Variants in RPS6KA2 observed in about 807,000 individuals in gnomAD.
RPS6KA2 encodes the protein ribosomal protein S6 kinase A2.
A neutral mutation model predicts 91.8 loss-of-function variants in RPS6KA2; 42 were observed. The observed-to-expected ratio is 0.46, with a 90% CI of 0.36 to 0.59. The LOEUF (loss-of-function observed/expected upper bound fraction) is 0.59, where lower values mean the gene tolerates loss of function less well. RPS6KA2 is among the 20% of genes least tolerant of loss of function. The pLI is 0.00. For synonymous variants in RPS6KA2, 414 were observed against 393.6 expected, an observed-to-expected ratio of 1.05 and a Z score of -0.61; for missense variants, 798 against 978.5, an observed-to-expected ratio of 0.82 and a Z score of 2.46.
At chr6:166,811,505 T>C (rs1779639410) in intron 2 of RPS6KA2, among the ~76,000 whole-genome samples, 1 of 152,196 alleles carries the variant, frequency 6.6e-6, no homozygotes, top group Admixed American at 6.5e-5. Context: ...GTGCCTGTAG[T>C]CCTAGCTGCT....
At chr6:166,713,177 A>C in intron 2 of RPS6KA2, among the ~76,000 whole-genome samples, 1 of 151,808 alleles carries the variant, frequency 6.6e-6, no homozygotes, top group African/African-American at 2.4e-5. Context: ...CCGGAACACA[A>C]CTCACTTTCT....
chr6:166,488,655 C>G (rs924139289), intron 10 of RPS6KA2, among the ~76,000 whole-genome samples, 178 bp downstream of exon 10: 2 of 152,190 alleles, frequency 1.3e-5, no homozygotes, highest in African/African-American at 4.8e-5. Context: ...TGTGAAGGGG[C>G]CTTTTTTCCT....
intron 1 of RPS6KA2, among the ~76,000 whole-genome samples, chr6:166,599,074 C>G (rs562012441): frequency 6.6e-6 from 1 of 152,334 alleles, no homozygotes; most frequent in African/African-American, 2.4e-5. Context: ...ATTAAAGAAT[C>G]CAGAGCAGGA....
At chr6:166,606,419 C>T (rs1050069195) in intron 1 of RPS6KA2, among the ~76,000 whole-genome samples, 1 of 152,230 alleles carries the variant, frequency 6.6e-6, no homozygotes, top group Non-Finnish European at 1.5e-5. Flanking sequence ...ATACAACTCC[C>T]TATTGGAAAT....
chr6:166,507,089 C>T (rs1186955664), intron 5 of RPS6KA2, among the ~76,000 whole-genome samples: 3 of 151,990 alleles, frequency 2.0e-5, no homozygotes, highest in African/African-American at 4.8e-5. Flanking sequence ...CGTGCGAAGA[C>T]CACACCCGAT....
Position 166,418,076 on chromosome 6 carries a change from C to G in RPS6KA2, c.1938+149G>C. 1 of 620,594 alleles carries G rather than the reference C, an allele frequency of 1.6e-6. No homozygotes were observed. The highest frequency in any genetic ancestry group is 2.8e-6 in the Non-Finnish European group (1 of 351,326). The allele number at this position is 620,594 out of a possible 1,614,324, so 38.4% of individuals were successfully genotyped here. A position where few individuals can be genotyped will look rare whatever the true frequency, so the allele number is the denominator to read the frequency against. On this transcript the variant is annotated intron_variant, in intron 19 of 20. Transcript: ENST00000265678. The surrounding 1 kb of genome is among the most constrained non-coding windows in gnomAD (Gnocchi z 4.9). ...GCACTCCAGCCTGGGTGAGACAGAG[C>G]GAGACTCCATTTCAAGAAAAAAAAA...
chr6:166,615,199 T>C (rs1035409950), intron 1 of RPS6KA2, among the ~76,000 whole-genome samples: 2 of 152,222 alleles, frequency 1.3e-5, no homozygotes, highest in African/African-American at 2.4e-5. Context: ...ACATTCCCTC[T>C]CAGCTGACTC....
chr6:166,420,479 T>C (rs967211123), intron 17 of RPS6KA2, among the ~76,000 whole-genome samples: 1 of 152,192 alleles, frequency 6.6e-6, no homozygotes, highest in Non-Finnish European at 1.5e-5. Flanking sequence ...AGGGACCTCA[T>C]AGGAGTGGAA....
intron 2 of RPS6KA2, among the ~76,000 whole-genome samples, chr6:166,719,579 A>G (rs1790113208): frequency 6.6e-6 from 1 of 152,234 alleles, no homozygotes; most frequent in Admixed American, 6.5e-5. Flanking sequence ...TCTATTTTGC[A>G]TGGTCTTCTT....
At position 166,767,264 on chromosome 6, in the gene RPS6KA2, C is replaced by T. The variant is rs1014522196; in HGVS notation, c.123+90936G>A. 2.0e-5 allele frequency among the ~76,000 whole-genome samples: 3 copies of T among 152,140 alleles called. No homozygotes were observed. Among genetic ancestry groups the T allele is most frequent in the Admixed American group, 6.5e-5 (1 of 15,268 alleles). On this transcript the variant is annotated intron_variant, in intron 2 of 21. Transcript: ENST00000503859. The surrounding 1 kb of genome is among the most constrained non-coding windows in gnomAD (Gnocchi z 4.6). ...GCCATCAAAAAGCAAAATACAACTGCGACTACCGTCTCACACGCTTCAGCT... is the reference window on the plus strand; with the variant it reads ...GCCATCAAAAAGCAAAATACAACTGTGACTACCGTCTCACACGCTTCAGCT...
chr6:166,443,311 G>T (rs1304523043), intron 14 of RPS6KA2, among the ~76,000 whole-genome samples: 2 of 152,140 alleles, frequency 1.3e-5, no homozygotes, highest in Admixed American at 6.5e-5. Flanking sequence ...TACGTATCAT[G>T]CAATTCAACT....
rs187271061 is a variant in RPS6KA2, at chr6:166,520,286, C to T, written c.299-9929G>A. 1.6e-3 allele frequency among the ~76,000 whole-genome samples: 250 copies of T among 152,168 alleles called. 3 individuals carry two copies. The highest frequency in any genetic ancestry group is 5.0e-3 in the African/African-American group (208 of 41,504). On this transcript the variant is annotated intron_variant, in intron 3 of 20. Coordinates refer to ENST00000265678, the MANE Select transcript of RPS6KA2 (RefSeq NM_021135.6). ...TTATACCACCAGCTCTCCTGGTTCT[C>T]GGGACTTCGAATTCAGACTGGAACT...
rs185313909 is a variant in RPS6KA2 at position 166,767,638 on chromosome 6, C to T, written c.123+90562G>A. ...TCCACAATGTTCCAGGCTTAGCCCCCGCACTGCAGCTCCCTAAGTTGCTTT... is the reference window on the plus strand; with the variant it reads ...TCCACAATGTTCCAGGCTTAGCCCCTGCACTGCAGCTCCCTAAGTTGCTTT... On this transcript the variant is annotated intron_variant, in intron 2 of 21. Transcript: ENST00000503859. The surrounding 1 kb of genome is among the most constrained non-coding windows in gnomAD (Gnocchi z 4.6). Among the ~76,000 whole-genome samples, 17 of 152,314 alleles carry T rather than the reference C, an allele frequency of 1.1e-4. No homozygotes were observed. Among genetic ancestry groups the T allele is most frequent in the East Asian group, 5.8e-4 (3 of 5,182 alleles).
At chr6:166,740,315 G>A (rs984751589) in intron 2 of RPS6KA2, among the ~76,000 whole-genome samples, 9 of 152,178 alleles carry the variant, frequency 5.9e-5, no homozygotes, top group African/African-American at 2.2e-4. Context: ...CCTATTATCT[G>A]TTTACTTTAC....
chr6:166,552,268 G>A (rs7775422), intron 1 of RPS6KA2, among the ~76,000 whole-genome samples: 8,296 of 152,240 alleles, frequency 0.054, 745 homozygotes, highest in African/African-American at 0.19. Flanking sequence ...CTCGCAAAGC[G>A]TCTGGCACCA....
At chr6:166,555,028 AT>A (rs1479726098) in intron 1 of RPS6KA2, among the ~76,000 whole-genome samples, 1 of 152,216 alleles carries the variant, frequency 6.6e-6, no homozygotes, top group Non-Finnish European at 1.5e-5. Flanking sequence ...AAAATTGATG[AT>A]TTCTCTAGCA....
At position 166,494,989 on chromosome 6, in the gene RPS6KA2, G is replaced by A. The variant is rs184099667; in HGVS notation, c.747+3519C>T. On this transcript the variant is annotated intron_variant, in intron 8 of 20. Transcript: ENST00000265678. The surrounding 1 kb of genome is among the most constrained non-coding windows in gnomAD (Gnocchi z 5.1). ...TCTCTTAGCTGCAAATGAGAATTCA[G>A]AAGTCACTTCTGATGCCACCCACGG... Among the ~76,000 whole-genome samples the A allele has an allele frequency of 1.3e-3, 204 of 152,338 alleles. No homozygotes were observed. Among genetic ancestry groups the A allele is most frequent in the African/African-American group, 4.6e-3 (191 of 41,582 alleles).
intron 12 of RPS6KA2, among the ~76,000 whole-genome samples, chr6:166,455,913 G>A (rs1199426991): frequency 6.6e-6 from 1 of 152,248 alleles, no homozygotes; most frequent in Non-Finnish European, 1.5e-5. Flanking sequence ...TAGGGATTTA[G>A]ACTCAGAGCT....
intron 2 of RPS6KA2, among the ~76,000 whole-genome samples, chr6:166,710,424 G>A (rs370982213): frequency 4.6e-5 from 7 of 152,056 alleles, no homozygotes; most frequent in Admixed American, 2.6e-4. Context: ...ATGCATGCAC[G>A]AGTGTGTGTG....
Sources: gnomAD v4.1 joint callset for allele counts (sites outside exome capture counted in the v4.1 genomes callset) on GRCh38, gnomAD v4.1.1 for gene constraint, Gnocchi (gnomAD v3.1) non-coding constraint, MANE v1.5 for transcripts, NCBI Gene and HGNC (gene_info 2026-07-23, HGNC 2026-07-21) for gene names.